The following ASH1L variants were observed in gnomAD, a reference collection of about 807,000 sequenced individuals.
ASH1L encodes histone-lysine N-methyltransferase ASH1L.
A neutral mutation model predicts 269.0 loss-of-function variants in ASH1L; 23 were observed. That is an observed-to-expected ratio of 0.09 (90% CI 0.06 to 0.12). The LOEUF (loss-of-function observed/expected upper bound fraction) is 0.12. Ranked by LOEUF, ASH1L falls within the 10% of genes least tolerant of loss-of-function variation. The probability of loss-of-function intolerance (pLI) is 1.00; values close to 1 mark genes in which losing one functional copy is unlikely to be tolerated. For synonymous variants in ASH1L, 1,187 were observed against 1,253.5 expected, an observed-to-expected ratio of 0.95 and a Z score of 1.12; for missense variants, 2,912 against 3,567.8, an observed-to-expected ratio of 0.82 and a Z score of 4.68.
At chr1:155,359,470 T>C (rs977285157) in intron 13 of ASH1L, among the ~76,000 whole-genome samples, 1 of 151,140 alleles carries the variant, frequency 6.6e-6, no homozygotes, top group Non-Finnish European at 1.5e-5. Flanking sequence ...AGAGAGAGGG[T>C]TTCACTATAT....
intron 4 of ASH1L, among the ~76,000 whole-genome samples, chr1:155,442,140 CTG>C (rs945390782): frequency 1.3e-5 from 2 of 152,142 alleles, no homozygotes; most frequent in African/African-American, 4.8e-5. Flanking sequence ...TCCTGAGAAA[CTG>C]TGAGATGATA....
At position 155,478,101 on chromosome 1, in the gene ASH1L, C is replaced by A. The variant is rs771067879; in HGVS notation, c.4769G>T (p.Gly1590Val). Residue 1590 changes from glycine to valine, a missense_variant, in exon 3 of 28, where the codon GGA (glycine) becomes GTA (valine). By Grantham distance (109) the Gly-to-Val change is moderately radical (BLOSUM62 -3). This residue lies in a region of ASH1L where 789 missense variants were observed against 897.6 expected (regional missense o/e 0.88). Coordinates refer to ENST00000392403, the MANE Select transcript of ASH1L (RefSeq NM_018489.3). This position sits in a 1 kb window ranked among gnomAD's most constrained non-coding sequence, Gnocchi z 4.6. The stretch of plus-strand genomic sequence containing the variant: ...GGCTGGCTCAGAGTTGGGAGTGAAT[C>A]CTCCAAGGGATAAGCTTGGAGAACT... ...SESSPSLSLG[G>V]FTPNSEPASS... The A allele has an allele frequency of 7.4e-6, 12 of 1,614,076 alleles. No homozygotes were observed. In the South Asian group the frequency reaches 1.3e-4, roughly 18 times the overall value.
intron 1 of ASH1L, among the ~76,000 whole-genome samples, chr1:155,553,366 AAT>A (rs1402836911): frequency 6.6e-6 from 1 of 152,194 alleles, no homozygotes; most frequent in East Asian, 1.9e-4. Flanking sequence ...CTTTTATAAC[AAT>A]AGTTTTTTGT....
chr1:155,521,968 T>A (rs1668915505), intron 1 of ASH1L, among the ~76,000 whole-genome samples: 2 of 152,154 alleles, frequency 1.3e-5, no homozygotes, highest in Admixed American at 1.3e-4. Context: ...AAGAATATAT[T>A]CCCCACTCTT....
chr1:155,489,769 A>G (rs1417765585), intron 2 of ASH1L, among the ~76,000 whole-genome samples: 2 of 149,450 alleles, frequency 1.3e-5, no homozygotes, highest in Non-Finnish European at 3.0e-5. Context: ...AAAAAAATAA[A>G]TAAATAAATG....
intron 1 of ASH1L, among the ~76,000 whole-genome samples, chr1:155,529,289 C>G (rs1045861144): frequency 2.0e-5 from 3 of 151,416 alleles, no homozygotes; most frequent in East Asian, 1.9e-4. Context: ...AATGGCTTAA[C>G]TAATTTACAC....
Position 155,347,834 on chromosome 1 carries a change from C to T in ASH1L, c.7625G>A (p.Arg2542Gln), listed in dbSNP as rs1233392035. ...ATCAATCTGGGCTGATGCCTCATGC[C>T]GGGCATTGTAATAGGCCTTTCGTAG... ...CRLRKAYYNA[R>Q]HEASAQIDEI... Residue 2542 changes from arginine to glutamine, a missense_variant, in exon 20 of 28, where the codon CGG becomes CAG. Arg to Gln is a conservative substitution (Grantham distance 43, BLOSUM62 1). Coordinates refer to ENST00000392403, the MANE Select transcript of ASH1L (RefSeq NM_018489.3). The T allele has an allele frequency of 2.0e-5, 33 of 1,614,108 alleles. No homozygotes were observed. The highest frequency in any genetic ancestry group is 2.5e-5 in the Non-Finnish European group (30 of 1,180,050).
chr1:155,445,735 CAAT>C (rs1455080017), intron 4 of ASH1L, among the ~76,000 whole-genome samples: 2 of 152,142 alleles, frequency 1.3e-5, no homozygotes, highest in Admixed American at 6.6e-5. Context: ...GACATCTCAA[CAAT>C]AATGAGTCTT....
intron 2 of ASH1L, among the ~76,000 whole-genome samples, chr1:155,514,333 T>G (rs1234722010): frequency 6.6e-6 from 1 of 152,206 alleles, no homozygotes; most frequent in Non-Finnish European, 1.5e-5. Context: ...CGGATATACA[T>G]ACATATACAC....
At position 155,459,833 on chromosome 1, in the gene ASH1L, G is replaced by A. The variant is rs758753595; in HGVS notation, c.5050C>T (p.Arg1684Trp). 5.0e-6 allele frequency: 8 copies of A among 1,613,426 alleles called. No homozygotes were observed. The highest frequency in any genetic ancestry group is 2.2e-5 in the South Asian group (2 of 90,964). Reference sequence around the variant, plus strand: ...GTACTCTCAGATGAAGACCTTTTCCGGGTAGGGCTACAATTTGTGCTCTCT... The same window carrying A: ...GTACTCTCAGATGAAGACCTTTTCCAGGTAGGGCTACAATTTGTGCTCTCT... Reference protein sequence around the residue: ...PSESTNCSPTRKRSSSESTSS... With the variant: ...PSESTNCSPTWKRSSSESTSS... The change falls in exon 4 of 28, where the codon CGG (arginine) becomes TGG (tryptophan). Residue 1684 changes from arginine (R) to tryptophan (W), a missense_variant. Arg to Trp is a moderately radical substitution (Grantham distance 101). Transcript: ENST00000392403.
rs1672117179 is a variant in ASH1L at position 155,562,741 on chromosome 1, C to T, written c.-688G>A. 7.0e-6 allele frequency: 9 copies of T among 1,281,426 alleles called. No homozygotes were observed. The highest frequency in any genetic ancestry group is 8.7e-6 in the Non-Finnish European group (8 of 922,340). The allele number at this position is 1,281,426 out of a possible 1,614,324, so 79.4% of individuals were successfully genotyped here. A position where few individuals can be genotyped will look rare whatever the true frequency, so the allele number is the denominator to read the frequency against. On this transcript the variant is annotated 5_prime_UTR_variant, in exon 1 of 28. Coordinates refer to ENST00000392403, the MANE Select transcript of ASH1L (RefSeq NM_018489.3). ...TCCAGTCCCTCACTACCCCTCAGGC[C>T]CTGTCAAGCCGGCGCCGGCGCAGGC...
At chr1:155,553,142 T>G (rs1275689397) in intron 1 of ASH1L, among the ~76,000 whole-genome samples, 1 of 152,222 alleles carries the variant, frequency 6.6e-6, no homozygotes, top group East Asian at 1.9e-4. Flanking sequence ...TTTGGGATTT[T>G]CAACAAATTG....
At chr1:155,464,132 T>C (rs1664508601) in intron 3 of ASH1L, among the ~76,000 whole-genome samples, 1 of 152,188 alleles carries the variant, frequency 6.6e-6, no homozygotes. Context: ...CCTTGCTGTC[T>C]CCATCATGTG....
chr1:155,551,960 G>A (rs1209350549), intron 1 of ASH1L, among the ~76,000 whole-genome samples: 1 of 151,854 alleles, frequency 6.6e-6, no homozygotes, highest in Non-Finnish European at 1.5e-5. Context: ...TGGGCGAAAG[G>A]TTGAGACTCC....
Position 155,438,775 on chromosome 1 carries a change from G to T in ASH1L, c.5380C>A (p.His1794Asn), listed in dbSNP as rs773662870. The T allele has an allele frequency of 6.2e-7, 1 of 1,614,158 alleles. No individual in the cohort carries two copies. Among genetic ancestry groups the T allele is most frequent in the South Asian group, 1.1e-5 (1 of 91,074 alleles). Residue 1794 changes from histidine to asparagine, a missense_variant, in exon 5 of 28, where the codon CAT (histidine) becomes AAT (asparagine). By Grantham distance (68) the His-to-Asn change is moderately conservative (BLOSUM62 1). This residue lies in a region of ASH1L where 789 missense variants were observed against 897.6 expected (regional missense o/e 0.88). Transcript: ENST00000392403. ...GCTTCCACTACACTTCTCTTGATAT[G>T]ATGGGGGGAACAGCTGCTTGTCAAC... ...EKLTSSCSPHHIKRSVVEAMQ... is the reference protein window; with the variant it reads ...EKLTSSCSPHNIKRSVVEAMQ...
chr1:155,345,571 CTTT>C (rs1179125179), intron 21 of ASH1L, among the ~76,000 whole-genome samples: 3 of 104,918 alleles, frequency 2.9e-5, no homozygotes, highest in African/African-American at 3.7e-5. Context: ...CCATGCCCAG[CTTT>C]TTTTTTTTTT....
At chr1:155,455,503 C>T (rs534213922) in intron 4 of ASH1L, among the ~76,000 whole-genome samples, 1 of 152,246 alleles carries the variant, frequency 6.6e-6, no homozygotes, top group East Asian at 1.9e-4. Flanking sequence ...GTTTACATAC[C>T]TCAGTTTACT....
chr1:155,467,518 T>C (rs115816215), intron 3 of ASH1L, among the ~76,000 whole-genome samples: 3,126 of 152,282 alleles, frequency 0.021, 105 homozygotes, highest in African/African-American at 0.072. Context: ...TTATTCCTTT[T>C]AAGTCTTCAT....
chr1:155,520,359 CAAAAAAAAAAAAAAAAA>C (rs57127431), intron 2 of ASH1L: 3 of 24,236 alleles, frequency 1.2e-4, no homozygotes, highest in African/African-American at 2.9e-4. Context: ...GACTCCATCT[CAAAAAAAAAAAAAAAAA>C]AAAAAAAAGA....
Sources: gnomAD v4.1 joint callset for allele counts (sites outside exome capture counted in the v4.1 genomes callset) on GRCh38, gnomAD v4.1.1 for gene constraint, gnomAD v4.1.1 regional missense constraint, Gnocchi (gnomAD v3.1) non-coding constraint, MANE v1.5 for transcripts, NCBI Gene and HGNC (gene_info 2026-07-23, HGNC 2026-07-21) for gene names.